The following INAFM1 variants were observed in gnomAD, a reference collection of about 807,000 sequenced individuals.
The protein encoded by INAFM1 is InaF motif containing 1, also known as putative transmembrane protein INAFM1.
Under a neutral mutation model 9.4 loss-of-function variants are expected in INAFM1, and 11 were observed. The ratio of observed to expected loss-of-function variants is 1.17; its 90% CI spans 0.74 to 1.94. The LOEUF is 1.94. Ranked by LOEUF, INAFM1 falls within the 30% of genes most tolerant of loss-of-function variation. The pLI, the probability that INAFM1 is intolerant of heterozygous loss-of-function variation, is 0.00. For missense variants in INAFM1, 318 were observed against 221.6 expected, an observed-to-expected ratio of 1.44 and a Z score of -2.76; for synonymous variants, 161 against 109.5, an observed-to-expected ratio of 1.47 and a Z score of -2.94.
rs1425963313 is a variant in INAFM1 at position 47,275,472 on chromosome 19, C to G, written c.*124C>G. The G allele has an allele frequency of 7.5e-7, 1 of 1,338,504 alleles. No homozygotes were observed. Among genetic ancestry groups the G allele is most frequent in the Non-Finnish European group, 9.9e-7 (1 of 1,014,592 alleles). 82.9% of individuals were successfully genotyped at this position (1,338,504 alleles called of 1,614,324 possible). Reference sequence around the variant, plus strand: ...TGACATCGCTCAGCGTCTCTGGAGCCGTCATCCCGCGGAATGGGGGCCCAG... The same window carrying G: ...TGACATCGCTCAGCGTCTCTGGAGCGGTCATCCCGCGGAATGGGGGCCCAG... On this transcript the variant is annotated 3_prime_UTR_variant, in exon 1 of 1. Coordinates refer to ENST00000552360, the MANE Select transcript of INAFM1 (RefSeq NM_178511.6).
Position 47,275,343 on chromosome 19 carries a change from G to A in INAFM1, c.424G>A (p.Gly142Arg). The change falls in exon 1 of 1, where the codon GGG becomes AGG. Residue 142 changes from glycine to arginine, a missense_variant. By Grantham distance (125) the Gly-to-Arg change is moderately radical. Transcript: ENST00000552360. ...TPEAAEGRRP[G>R] ...AGAGGCCGCGGAGGGGCGAAGACCC[G>A]GGTAACTCTCCCTTCCACCCCAACC... 1.3e-6 allele frequency: 2 copies of A among 1,542,630 alleles called. No individual in the cohort carries two copies. The highest frequency in any genetic ancestry group is 1.2e-5 in the South Asian group (1 of 83,808).
Position 47,275,122 on chromosome 19 carries a change from A to C in INAFM1, c.203A>C (p.Gln68Pro), listed in dbSNP as rs748575391. The C allele has an allele frequency of 5.4e-6, 8 of 1,490,404 alleles. No homozygotes were observed. In the South Asian group the frequency reaches 8.9e-5, roughly 17 times the overall value. The allele number at this position is 1,490,404 out of a possible 1,614,324, so 92.3% of individuals were successfully genotyped here. ...TRSPAAPAGPQPSAPSPPCAA... is the reference protein window; with the variant it reads ...TRSPAAPAGPPPSAPSPPCAA... Reference sequence around the variant, plus strand: ...TCTCCCGCGGCACCCGCCGGCCCACAGCCCAGCGCGCCGTCCCCTCCGTGT... The same window carrying C: ...TCTCCCGCGGCACCCGCCGGCCCACCGCCCAGCGCGCCGTCCCCTCCGTGT... Residue 68 changes from glutamine (Q) to proline (P), a missense_variant, in exon 1 of 1, where the codon CAG becomes CCG. By Grantham distance (76) the Gln-to-Pro change is moderately conservative. Transcript: ENST00000552360.
rs1243254822 is a variant in INAFM1 at position 47,275,255 on chromosome 19, C to T, written c.336C>T (p.Ser112=). 5.2e-6 allele frequency: 8 copies of T among 1,534,898 alleles called. No homozygotes were observed. Among genetic ancestry groups the T allele is most frequent in the Middle Eastern group, 2.0e-4 (1 of 4,954 alleles). ...GACCCCAGCTCCAGCTGCCGCTGAG[C>T]CGCCGCCGCCGCTACAGCGACCCTG... ...GPRPQLQLPL[S]RRRRYSDPDR... The change falls in exon 1 of 1, where the codon AGC becomes AGT. Residue 112 remains serine (S), a synonymous_variant. Coordinates refer to ENST00000552360, the MANE Select transcript of INAFM1 (RefSeq NM_178511.6).
In INAFM1 at chr19:47,275,275, A is replaced by G. The variant is rs973123537; in HGVS notation, c.356A>G (p.Asp119Gly). The change falls in exon 1 of 1, where the codon GAC becomes GGC. Residue 119 changes from aspartate (D) to glycine (G), a missense_variant. Asp to Gly is a moderately conservative substitution (Grantham distance 94). Coordinates refer to ENST00000552360, the MANE Select transcript of INAFM1 (RefSeq NM_178511.6). Reference sequence around the variant, plus strand: ...CTGAGCCGCCGCCGCCGCTACAGCGACCCTGACCGCCGTCCGAGCCGCCAG... The same window carrying G: ...CTGAGCCGCCGCCGCCGCTACAGCGGCCCTGACCGCCGTCCGAGCCGCCAG... ...LPLSRRRRYS[D>G]PDRRPSRQTP... 4.2e-5 allele frequency: 65 copies of G among 1,545,006 alleles called. 1 individual carries two copies. Among genetic ancestry groups the G allele is most frequent in the Middle Eastern group, 3.8e-4 (2 of 5,290 alleles).
chr19:47,275,101 C>A lies in INAFM1; in HGVS notation c.182C>A (p.Pro61His). 1 of 1,493,636 alleles carries A rather than the reference C, an allele frequency of 6.7e-7. No homozygotes were observed. Among genetic ancestry groups the A allele is most frequent in the Non-Finnish European group, 8.9e-7 (1 of 1,125,488 alleles). 92.5% of individuals were successfully genotyped at this position (1,493,636 alleles called of 1,614,324 possible). A position where few individuals can be genotyped will look rare whatever the true frequency, so the allele number is the denominator to read the frequency against. ...CTCATCTGGGTACCCACGCGGTCTC[C>A]CGCGGCACCCGCCGGCCCACAGCCC... ...YGLIWVPTRS[P>H]AAPAGPQPSA... The change falls in exon 1 of 1, where the codon CCC becomes CAC. Residue 61 changes from proline (P) to histidine (H), a missense_variant. Pro to His is a moderately conservative substitution (Grantham distance 77, BLOSUM62 -2). Coordinates refer to ENST00000552360, the MANE Select transcript of INAFM1 (RefSeq NM_178511.6).
chr19:47,275,024 C>T lies in INAFM1; in HGVS notation c.105C>T (p.Ala35=). Residue 35 remains alanine, a synonymous_variant, in exon 1 of 1, where the codon GCC becomes GCT. Transcript: ENST00000552360. ...GRWLRLAPVC[A]YFLCVSLAAV... ...GGCTGCGCTTGGCTCCGGTATGCGC[C>T]TACTTCCTCTGCGTCTCGCTAGCTG... 4.7e-6 allele frequency: 7 copies of T among 1,487,534 alleles called. No individual in the cohort carries two copies. The highest frequency in any genetic ancestry group is 6.2e-6 in the Non-Finnish European group (7 of 1,123,402). 92.1% of individuals were successfully genotyped at this position (1,487,534 alleles called of 1,614,324 possible). A position where few individuals can be genotyped will look rare whatever the true frequency, so the allele number is the denominator to read the frequency against.
Position 47,275,242 on chromosome 19 carries a change from A to C in INAFM1, c.323A>C (p.Gln108Pro). ...GVPGGPRPQL[Q>P]LPLSRRRRYS... ...CCCGGCGGGCCGCGACCCCAGCTCC[A>C]GCTGCCGCTGAGCCGCCGCCGCCGC... The change falls in exon 1 of 1, where the codon CAG becomes CCG. Residue 108 changes from glutamine to proline, a missense_variant. Physicochemically the swap from Gln to Pro is moderately conservative, Grantham distance 76. Transcript: ENST00000552360. 1 of 1,536,444 alleles carries C rather than the reference A, an allele frequency of 6.5e-7. No individual in the cohort carries two copies. The highest frequency in any genetic ancestry group is 8.8e-7 in the Non-Finnish European group (1 of 1,141,652).
Position 47,275,464 on chromosome 19 carries a change from T to C in INAFM1, c.*116T>C. On this transcript the variant is annotated 3_prime_UTR_variant, in exon 1 of 1. Coordinates refer to ENST00000552360, the MANE Select transcript of INAFM1 (RefSeq NM_178511.6). ...CTTCCTAATGACATCGCTCAGCGTC[T>C]CTGGAGCCGTCATCCCGCGGAATGG... 7.4e-7 allele frequency: 1 copy of C among 1,359,936 alleles called. No homozygotes were observed. The highest frequency in any genetic ancestry group is 9.7e-7 in the Non-Finnish European group (1 of 1,033,822). 84.2% of individuals were successfully genotyped at this position (1,359,936 alleles called of 1,614,324 possible). A position where few individuals can be genotyped will look rare whatever the true frequency, so the allele number is the denominator to read the frequency against.
chr19:47,274,927 G>A lies in INAFM1; in HGVS notation c.8G>A (p.Gly3Glu), dbSNP rs900414303. ...GCCGAGTGGGCTGCGGGGATGCGGG[G>A]GACCAGCTGCGTGGGCGGCGGCGCC... The part of the protein sequence containing the change: MR[G>E]TSCVGGGAES... The change falls in exon 1 of 1, where the codon GGG (glycine) becomes GAG (glutamate). Residue 3 changes from glycine (G) to glutamate (E), a missense_variant. Gly to Glu is a moderately conservative substitution (Grantham distance 98). Coordinates refer to ENST00000552360, the MANE Select transcript of INAFM1 (RefSeq NM_178511.6). The A allele has an allele frequency of 3.7e-5, 49 of 1,328,440 alleles. 1 individual carries two copies. The highest frequency in any genetic ancestry group is 2.1e-4 in the South Asian group (10 of 47,944). 82.3% of individuals were successfully genotyped at this position (1,328,440 alleles called of 1,614,324 possible).
chr19:47,275,440 T>C lies in INAFM1; in HGVS notation c.*92T>C, dbSNP rs1034091151. On this transcript the variant is annotated 3_prime_UTR_variant, in exon 1 of 1. Transcript: ENST00000552360. The stretch of plus-strand genomic sequence containing the variant: ...CCGTCTCTGGATTGGTCCGGCCTTC[T>C]TCCTAATGACATCGCTCAGCGTCTC... 1.4e-5 allele frequency: 20 copies of C among 1,429,068 alleles called. No homozygotes were observed. The highest frequency in any genetic ancestry group is 3.0e-5 in the East Asian group (1 of 33,734). 88.5% of individuals were successfully genotyped at this position (1,429,068 alleles called of 1,614,324 possible). A position where few individuals can be genotyped will look rare whatever the true frequency, so the allele number is the denominator to read the frequency against.
chr19:47,275,434 G>C lies in INAFM1; in HGVS notation c.*86G>C. ...GATGCACCGTCTCTGGATTGGTCCGGCCTTCTTCCTAATGACATCGCTCAG... is the reference window on the plus strand; with the variant it reads ...GATGCACCGTCTCTGGATTGGTCCGCCCTTCTTCCTAATGACATCGCTCAG... On this transcript the variant is annotated 3_prime_UTR_variant, in exon 1 of 1. Transcript: ENST00000552360. 2 of 1,444,176 alleles carry C rather than the reference G, an allele frequency of 1.4e-6. No individual in the cohort carries two copies. 89.5% of individuals were successfully genotyped at this position (1,444,176 alleles called of 1,614,324 possible). A position where few individuals can be genotyped will look rare whatever the true frequency, so the allele number is the denominator to read the frequency against.
At chr19:47,274,845 C>CT (rs1555803838), upstream of INAFM1, 7 of 902,704 alleles carry the variant, frequency 7.8e-6, no homozygotes, top group Admixed American at 2.1e-4. Context: ...GCGGGGCGGT[C>CT]TGCGGGGTGG....
rs762488994 is a variant in INAFM1 at position 47,275,138 on chromosome 19, C to T, written c.219C>T (p.Ser73=). The change falls in exon 1 of 1, where the codon TCC becomes TCT. Residue 73 remains serine, a synonymous_variant. Coordinates refer to ENST00000552360, the MANE Select transcript of INAFM1 (RefSeq NM_178511.6). ...CCGGCCCACAGCCCAGCGCGCCGTC[C>T]CCTCCGTGTGCTGCCCGCCCGGGCG... is the stretch of plus-strand genomic sequence containing the variant. ...APAGPQPSAP[S]PPCAARPGVP... 14 of 1,490,946 alleles carry T rather than the reference C, an allele frequency of 9.4e-6. No individual in the cohort carries two copies. Among genetic ancestry groups the T allele is most frequent in the East Asian group, 8.6e-5 (3 of 34,876 alleles). The allele number at this position is 1,490,946 out of a possible 1,614,324, so 92.4% of individuals were successfully genotyped here.
Position 47,275,507 on chromosome 19 carries a change from G to T in INAFM1, c.*159G>T, listed in dbSNP as rs2059154492. 1 of 1,046,092 alleles carries T rather than the reference G, an allele frequency of 9.6e-7. No individual in the cohort carries two copies. Among genetic ancestry groups the T allele is most frequent in the African/African-American group, 1.7e-5 (1 of 58,660 alleles). 64.8% of individuals were successfully genotyped at this position (1,046,092 alleles called of 1,614,324 possible). ...CGGAATGGGGGCCCAGGGGGTGTCA[G>T]CTCGGGGCCTTGCCTCTTGCAGCTA... is the stretch of plus-strand genomic sequence containing the variant. On this transcript the variant is annotated 3_prime_UTR_variant, in exon 1 of 1. Coordinates refer to ENST00000552360, the MANE Select transcript of INAFM1 (RefSeq NM_178511.6).
chr19:47,275,285 C>A lies in INAFM1; in HGVS notation c.366C>A (p.Arg122=). Residue 122 remains arginine (R), a synonymous_variant, in exon 1 of 1, where the codon CGC becomes CGA. Transcript: ENST00000552360. ...GCCGCCGCTACAGCGACCCTGACCG[C>A]CGTCCGAGCCGCCAGACACCCAGAG... ...SRRRRYSDPD[R]RPSRQTPRET... The A allele has an allele frequency of 1.3e-6, 2 of 1,545,900 alleles. No individual in the cohort carries two copies. The highest frequency in any genetic ancestry group is 8.7e-7 in the Non-Finnish European group (1 of 1,145,240).
At chr19:47,274,651 G>A (rs1237820960), upstream of INAFM1, 2 of 237,930 alleles carry the variant, frequency 8.4e-6, no homozygotes, top group African/African-American at 2.8e-5. Flanking sequence ...GGGAGGAGGC[G>A]GTGATTGGGG....
Position 47,275,055 on chromosome 19 carries a change from C to G in INAFM1, c.136C>G (p.Leu46Val), listed in dbSNP as rs777859915. Residue 46 changes from leucine to valine, a missense_variant, in exon 1 of 1, where the codon CTG becomes GTG. Physicochemically the swap from Leu to Val is conservative, Grantham distance 32. Coordinates refer to ENST00000552360, the MANE Select transcript of INAFM1 (RefSeq NM_178511.6). ...CCTCTGCGTCTCGCTAGCTGCCGTG[C>G]TGCTCGCCGTGTACTACGGTCTCAT... Reference protein sequence around the residue: ...YFLCVSLAAVLLAVYYGLIWV... With the variant: ...YFLCVSLAAVVLAVYYGLIWV... 1.3e-5 allele frequency: 20 copies of G among 1,493,754 alleles called. No homozygotes were observed. In the South Asian group the frequency reaches 2.1e-4, roughly 16 times the overall value. 92.5% of individuals were successfully genotyped at this position (1,493,754 alleles called of 1,614,324 possible).
At chr19:47,274,793 C>T (rs1351783283), upstream of INAFM1, 4 of 499,266 alleles carry the variant, frequency 8.0e-6, no homozygotes, top group Admixed American at 1.9e-4. Flanking sequence ...GGGGGCGTGA[C>T]CATGCTGGCG....
upstream of INAFM1, chr19:47,274,804 G>T: frequency 1.4e-5 from 10 of 719,670 alleles, no homozygotes; most frequent in Non-Finnish European, 1.8e-5. Flanking sequence ...CATGCTGGCG[G>T]GGGCGGGGCC....
Sources: gnomAD v4.1 joint callset for allele counts on GRCh38, gnomAD v4.1.1 for gene constraint, MANE v1.5 for transcripts, NCBI Gene and HGNC (gene_info 2026-07-23, HGNC 2026-07-21) for gene names.